Variants in ABCD3 observed in about 807,000 individuals in gnomAD.
The protein encoded by ABCD3 is ATP-binding cassette sub-family D member 3.
ABCD3 carries 41 observed loss-of-function variants against 105.5 expected under a neutral mutation model. The observed-to-expected ratio is 0.39, with a 90% confidence interval of 0.30 to 0.50. The LOEUF is 0.50. Ranked by LOEUF, ABCD3 falls within the 20% of genes least tolerant of loss-of-function variation. The probability of loss-of-function intolerance (pLI) is 0.84; values close to 1 mark genes in which losing one functional copy is unlikely to be tolerated. For missense variants in ABCD3, 622 were observed against 806.3 expected, an observed-to-expected ratio of 0.77 and a Z score of 2.77; for synonymous variants, 258 against 269.0, an observed-to-expected ratio of 0.96 and a Z score of 0.40.
intron 19 of ABCD3, 117 bp downstream of exon 19, chr1:94,499,151 G>T: frequency 1.0e-6 from 1 of 985,794 alleles, no homozygotes; most frequent in East Asian, 2.5e-5. Flanking sequence ...TTCCAAAGCT[G>T]TAAATTGTGA....
At chr1:94,416,421 A>G (rs1659016273), upstream of ABCD3, among the ~76,000 whole-genome samples, 1 of 152,088 alleles carries the variant, frequency 6.6e-6, no homozygotes, top group African/African-American at 2.4e-5. Flanking sequence ...GATTTTTTTT[A>G]CACGTTTTTC....
chr1:94,422,463 C>T (rs76765458), intron 1 of ABCD3, among the ~76,000 whole-genome samples: 6,815 of 152,296 alleles, frequency 0.045, 255 homozygotes, highest in Non-Finnish European at 0.068. Flanking sequence ...AAATCGTGTT[C>T]CGCAAAACTG....
intron 1 of ABCD3, among the ~76,000 whole-genome samples, chr1:94,442,207 T>G (rs375016873): frequency 2.4e-4 from 37 of 152,326 alleles, no homozygotes; most frequent in African/African-American, 8.9e-4. Flanking sequence ...TTTGCAATCA[T>G]ATCAGAATTA....
At chr1:94,408,143 G>T in the ABCD3 span, among the ~76,000 whole-genome samples, 19 of 152,338 alleles carry the variant, frequency 1.2e-4, no homozygotes, top group African/African-American at 4.3e-4. Flanking sequence ...ATACAGAGCT[G>T]TCATTTCTAT....
intron 21 of ABCD3, among the ~76,000 whole-genome samples, chr1:94,512,437 TATAAAAG>T (rs1230741955): frequency 1.8e-4 from 27 of 151,912 alleles, no homozygotes; most frequent in Non-Finnish European, 3.7e-4. Context: ...ATAAATGAGA[TATAAAAG>T]ATAAAAGATA....
the ABCD3 span, among the ~76,000 whole-genome samples, chr1:94,398,915 C>T: frequency 2.0e-5 from 3 of 151,646 alleles, no homozygotes; most frequent in Admixed American, 6.6e-5. Context: ...AGTGAGACTC[C>T]GTCTCAAAAA....
intron 1 of ABCD3, among the ~76,000 whole-genome samples, chr1:94,442,703 A>G (rs1292647983): frequency 6.6e-6 from 1 of 152,224 alleles, no homozygotes; most frequent in Admixed American, 6.5e-5. Context: ...GCTCCCACTT[A>G]TAAGTGAGAA....
chr1:94,385,773 A>G, the ABCD3 span, among the ~76,000 whole-genome samples: 1 of 152,176 alleles, frequency 6.6e-6, no homozygotes, highest in Admixed American at 6.5e-5. Context: ...CAACTTTAAG[A>G]GATGTTTATC....
chr1:94,456,845 A>G (rs1359620563), intron 1 of ABCD3, among the ~76,000 whole-genome samples: 1 of 152,132 alleles, frequency 6.6e-6, no homozygotes, highest in Admixed American at 6.5e-5. Context: ...TAATGGTTGT[A>G]CTAATTTATA....
At chr1:94,491,040 G>A (rs1356226243) in intron 15 of ABCD3, 144 bp from the exon 16 acceptor site, 4 of 624,526 alleles carry the variant, frequency 6.4e-6, no homozygotes, top group East Asian at 5.7e-5. Context: ...TCGTATGCCT[G>A]TTGGCCATCT....
chr1:94,515,931 A>G (rs1399999318), intron 22 of ABCD3, among the ~76,000 whole-genome samples: 1 of 148,794 alleles, frequency 6.7e-6, no homozygotes, highest in South Asian at 2.1e-4. Context: ...TCCTTCCTAA[A>G]TGATATAGAA....
intron 1 of ABCD3, among the ~76,000 whole-genome samples, chr1:94,448,540 G>A (rs1043463363): frequency 5.3e-5 from 8 of 152,292 alleles, no homozygotes; most frequent in East Asian, 1.9e-4. Context: ...CTCAAAAAGC[G>A]GAGCTTTTGT....
At chr1:94,493,632 A>G (rs921792520) in intron 16 of ABCD3, among the ~76,000 whole-genome samples, 6 of 151,734 alleles carry the variant, frequency 4.0e-5, no homozygotes, top group African/African-American at 1.5e-4. Flanking sequence ...TGCTATAAAG[A>G]CACATGCACA....
chr1:94,411,687 T>C, the ABCD3 span, among the ~76,000 whole-genome samples: 2 of 152,292 alleles, frequency 1.3e-5, no homozygotes, highest in East Asian at 1.9e-4. Context: ...TCCCAATACA[T>C]GTACATTCAC....
Position 94,489,891 on chromosome 1 carries a change from T to A in ABCD3, c.1250-12T>A, listed in dbSNP as rs771451376. On this transcript the variant is annotated splice_polypyrimidine_tract_variant and intron_variant, in intron 14 of 22. Transcript: ENST00000370214. ...CATAATATGATGCTTTAATACCTATTTTCCATTTAAGGTATTGAAGGAGTA... is the reference window on the plus strand; with the variant it reads ...CATAATATGATGCTTTAATACCTATATTCCATTTAAGGTATTGAAGGAGTA... The A allele has an allele frequency of 6.2e-7, 1 of 1,612,146 alleles. No individual in the cohort carries two copies. Among genetic ancestry groups the A allele is most frequent in the Non-Finnish European group, 8.5e-7 (1 of 1,178,368 alleles).
chr1:94,460,476 A>G (rs1481765773), intron 2 of ABCD3, among the ~76,000 whole-genome samples: 6 of 152,174 alleles, frequency 3.9e-5, no homozygotes, highest in African/African-American at 1.4e-4. Flanking sequence ...TAATTTTATA[A>G]GAAACATCTA....
At chr1:94,450,434 A>G (rs4579764) in intron 1 of ABCD3, among the ~76,000 whole-genome samples, 39,268 of 152,198 alleles carry the variant, frequency 0.26, 5,705 homozygotes, top group Admixed American at 0.34. Context: ...GTTTACCGGA[A>G]TGAGGGCAAG....
chr1:94,447,201 C>T (rs543910829), intron 1 of ABCD3, among the ~76,000 whole-genome samples: 13 of 152,226 alleles, frequency 8.5e-5, no homozygotes, highest in African/African-American at 1.4e-4. Context: ...CTTTAGAGAA[C>T]GTCGTTAATA....
intron 19 of ABCD3, 138 bp from the exon 20 acceptor site, chr1:94,499,357 C>A: frequency 9.7e-7 from 1 of 1,026,998 alleles, no homozygotes; most frequent in Non-Finnish European, 1.5e-6. Context: ...CTACCTTGTG[C>A]CACATTCTTT....
Sources: gnomAD v4.1 joint callset for allele counts (sites outside exome capture counted in the v4.1 genomes callset) on GRCh38, gnomAD v4.1.1 for gene constraint, MANE v1.5 for transcripts, NCBI Gene and HGNC (gene_info 2026-07-23, HGNC 2026-07-21) for gene names.